CTNNAL1: variants seen among roughly 807,000 people sequenced by gnomAD.
CTNNAL1 encodes catenin alpha like 1, also known as alpha-catulin.
A neutral mutation model predicts 93.6 loss-of-function variants in CTNNAL1; 69 were observed. That is an observed-to-expected ratio of 0.74 (90% CI 0.61 to 0.90). CTNNAL1 has a LOEUF of 0.90. CTNNAL1 is among the 40% of genes least tolerant of loss of function. The pLI is 0.00. For synonymous variants in CTNNAL1, 286 were observed against 305.4 expected (o/e 0.94, Z 0.66); for missense variants, 836 against 862.0 (o/e 0.97, Z 0.38).
chr9:109,003,811 C>T (rs1826928081), intron 1 of CTNNAL1, among the ~76,000 whole-genome samples: 1 of 152,130 alleles, frequency 6.6e-6, no homozygotes, highest in Admixed American at 6.5e-5. Flanking sequence ...GATGTTGTGA[C>T]TTTGGAGAGG....
intron 1 of CTNNAL1, among the ~76,000 whole-genome samples, chr9:109,002,593 G>C (rs1826872400): frequency 6.6e-6 from 1 of 152,106 alleles, no homozygotes; most frequent in African/African-American, 2.4e-5. Flanking sequence ...GTGCTACCTG[G>C]TTTCTTTTTG....
chr9:108,992,853 G>A, intron 2 of CTNNAL1, 34 bp from the exon 3 acceptor site: 1 of 1,572,748 alleles, frequency 6.4e-7, no homozygotes, highest in Non-Finnish European at 8.6e-7. Flanking sequence ...AAGTTAAACA[G>A]GCATACAAAT....
chr9:108,950,586 A>G, intron 14 of CTNNAL1: 1 of 1,550,070 alleles, frequency 6.5e-7, no homozygotes. Flanking sequence ...CATCTTCCCC[A>G]CTCTTAATCC....
intron 3 of CTNNAL1, among the ~76,000 whole-genome samples, 169 bp from the exon 4 acceptor site, chr9:108,991,014 T>C (rs1168573769): frequency 6.6e-6 from 1 of 152,174 alleles, no homozygotes; most frequent in African/African-American, 2.4e-5. Flanking sequence ...TAGAAGTAGA[T>C]TCAAGGCACA....
At chr9:108,986,110 C>A (rs898401523) in intron 4 of CTNNAL1, among the ~76,000 whole-genome samples, 1 of 151,182 alleles carries the variant, frequency 6.6e-6, no homozygotes, top group Non-Finnish European at 1.5e-5. Context: ...ATGTGCCATG[C>A]TGGTGTGCTG....
At chr9:108,972,864 G>GGGGGGGCGGCCCCC in intron 8 of CTNNAL1, 31 bp from the exon 9 acceptor site, 1 of 142,590 alleles carries the variant, frequency 7.0e-6, no homozygotes, top group Non-Finnish European at 1.0e-5. Flanking sequence ...GGGGGGGTGG[G>GGGGGGGCGGCCCCC]AGGGTGGAGA....
At chr9:108,983,907 G>C (rs983179789) in intron 5 of CTNNAL1, among the ~76,000 whole-genome samples, 1 of 152,166 alleles carries the variant, frequency 6.6e-6, no homozygotes, top group African/African-American at 2.4e-5. Context: ...AAATACTCTT[G>C]ATTGATAATT....
chr9:108,960,515 A>C (rs1024976118), intron 11 of CTNNAL1, among the ~76,000 whole-genome samples: 2 of 152,184 alleles, frequency 1.3e-5, no homozygotes, highest in Admixed American at 1.3e-4. Context: ...TAGGGCTGCC[A>C]GGAAAATGAG....
chr9:108,981,753 C>T (rs994154227), intron 6 of CTNNAL1, among the ~76,000 whole-genome samples: 1 of 152,016 alleles, frequency 6.6e-6, no homozygotes, highest in Non-Finnish European at 1.5e-5. Context: ...GGCAAAACCC[C>T]ATCTCTATTA....
At chr9:109,007,151 C>T (rs1377691053) in intron 1 of CTNNAL1, among the ~76,000 whole-genome samples, 1 of 151,994 alleles carries the variant, frequency 6.6e-6, no homozygotes, top group Non-Finnish European at 1.5e-5. Context: ...GGGGGAATTG[C>T]TTGAACCCAG....
At chr9:109,009,000 T>G (rs1827127945) in intron 1 of CTNNAL1, among the ~76,000 whole-genome samples, 3 of 141,756 alleles carry the variant, frequency 2.1e-5, no homozygotes, top group Non-Finnish European at 4.5e-5. Flanking sequence ...GCTCAAGCAA[T>G]CCTCCCACCT....
At chr9:108,988,372 C>T (rs1043516130) in intron 4 of CTNNAL1, among the ~76,000 whole-genome samples, 4 of 152,132 alleles carry the variant, frequency 2.6e-5, no homozygotes, top group African/African-American at 9.7e-5. Context: ...GCATGAGCCA[C>T]CATGCCCAGC....
Position 108,943,995 on chromosome 9 carries a change from C to G in CTNNAL1, c.1908G>C (p.Lys636Asn). 6.2e-7 allele frequency: 1 copy of G among 1,613,808 alleles called. No homozygotes were observed. Among genetic ancestry groups the G allele is most frequent in the Non-Finnish European group, 8.5e-7 (1 of 1,179,846 alleles). ...QLEVFAAEGL[K>N]LTSSVQAFSK... ...AAAAAGCTTGAACACTGGAAGTAAG[C>G]TTTAAACCCTCTGCAGCAAAAACCT... The change falls in exon 16 of 19, where the codon AAG (lysine) becomes AAC (asparagine). Residue 636 changes from lysine to asparagine, a missense_variant. By Grantham distance (94) the Lys-to-Asn change is moderately conservative (BLOSUM62 0). Transcript: ENST00000325551.
chr9:109,004,382 A>G (rs1462137699), intron 1 of CTNNAL1, among the ~76,000 whole-genome samples: 2 of 152,340 alleles, frequency 1.3e-5, no homozygotes, highest in Middle Eastern at 3.4e-3. Context: ...CAAATGAGGA[A>G]GTTGGACATC....
intron 11 of CTNNAL1, among the ~76,000 whole-genome samples, chr9:108,957,419 C>A (rs1271170525): frequency 6.6e-6 from 1 of 152,034 alleles, no homozygotes; most frequent in Non-Finnish European, 1.5e-5. Context: ...TGTGCCTAGC[C>A]TAGGAAATTT....
chr9:108,966,921 C>A (rs530034065), intron 10 of CTNNAL1, among the ~76,000 whole-genome samples: 57 of 152,168 alleles, frequency 3.7e-4, no homozygotes, highest in Middle Eastern at 3.4e-3. Flanking sequence ...CCAGACCCAA[C>A]CTACTGAAAT....
chr9:108,943,565 A>G, intron 17 of CTNNAL1, 138 bp downstream of exon 17: 1 of 692,948 alleles, frequency 1.4e-6, no homozygotes, highest in South Asian at 2.1e-5. Flanking sequence ...AGAGTAGATA[A>G]TAAATGATTC....
At position 108,970,259 on chromosome 9, in the gene CTNNAL1, C is replaced by T. The variant is rs1212382313; in HGVS notation, c.1440+143G>A. 5.6e-6 allele frequency: 4 copies of T among 713,336 alleles called. No homozygotes were observed. The East Asian group carries it at 1.3e-4, about 24-fold the overall frequency. The allele number at this position is 713,336 out of a possible 1,614,324, so 44.2% of individuals were successfully genotyped here. A position where few individuals can be genotyped will look rare whatever the true frequency, so the allele number is the denominator to read the frequency against. On this transcript the variant is annotated intron_variant, in intron 10 of 18. Coordinates refer to ENST00000325551, the MANE Select transcript of CTNNAL1 (RefSeq NM_003798.4). Reference sequence around the variant, plus strand: ...AGGTTAGCCATGTTCTGGCACACTACCAACAGAAATTCCATTATCTTTCTT... The same window carrying T: ...AGGTTAGCCATGTTCTGGCACACTATCAACAGAAATTCCATTATCTTTCTT...
rs1382552711 is a variant in CTNNAL1 at position 108,983,466 on chromosome 9, T to C, written c.730-151A>G. On this transcript the variant is annotated intron_variant, in intron 5 of 18. Transcript: ENST00000325551. The stretch of plus-strand genomic sequence containing the variant: ...ACTCAGCTGCTTCTCCTCACTAAAG[T>C]GGAAGCAGGATGAGTAAAAAGCGAT... 56 of 879,110 alleles carry C rather than the reference T, an allele frequency of 6.4e-5. No homozygotes were observed. In the South Asian group the frequency reaches 8.5e-4, roughly 13 times the overall value. 54.5% of individuals were successfully genotyped at this position (879,110 alleles called of 1,614,324 possible).
Sources: gnomAD v4.1 joint callset for allele counts (sites outside exome capture counted in the v4.1 genomes callset) on GRCh38, gnomAD v4.1.1 for gene constraint, MANE v1.5 for transcripts, NCBI Gene and HGNC (gene_info 2026-07-23, HGNC 2026-07-21) for gene names.